UBXN4: variants seen among roughly 807,000 people sequenced by gnomAD.
UBXN4 encodes UBX domain protein 4, also known as UBX domain-containing protein 4.
A neutral mutation model predicts 66.2 loss-of-function variants in UBXN4; 35 were observed. That is an observed-to-expected ratio of 0.53 (90% CI 0.40 to 0.70). The LOEUF is 0.70. UBXN4 is among the 30% of genes least tolerant of loss of function. UBXN4 has a pLI of 0.00. For synonymous variants in UBXN4, 203 were observed against 204.5 expected (o/e 0.99, Z 0.06); for missense variants, 533 against 599.8 (o/e 0.89, Z 1.16).
intron 1 of UBXN4, chr2:135,747,511 C>CTTT: frequency 2.4e-6 from 1 of 420,334 alleles, no homozygotes; most frequent in Non-Finnish European, 4.8e-6. Context: ...AAAGGCAAGT[C>CTTT]TAAAATTGCA....
At chr2:135,779,498 A>C (rs2077436837) in intron 11 of UBXN4, among the ~76,000 whole-genome samples, 2 of 152,164 alleles carry the variant, frequency 1.3e-5, no homozygotes, top group African/African-American at 4.8e-5. Context: ...TGAAGAAAAG[A>C]AGCTCAGACA....
At position 135,776,257 on chromosome 2, in the gene UBXN4, C is replaced by G. The variant is rs559209921; in HGVS notation, c.959C>G (p.Ala320Gly). The change falls in exon 10 of 13, where the codon GCA becomes GGA. Residue 320 changes from alanine to glycine, a missense_variant. By Grantham distance (60) the Ala-to-Gly change is moderately conservative (BLOSUM62 0). This residue lies in a region of UBXN4 where 529 missense variants were observed against 580.1 expected (regional missense o/e 0.91). Transcript: ENST00000272638. The stretch of plus-strand genomic sequence containing the variant: ...ATTTTCTTTTTTCATAGCACTGTTG[C>G]AAGAATTCAATTCCGTCTTCCTGAT... ...ESYARERSTV[A>G]RIQFRLPDGS... is the part of the protein sequence containing the mutation. 71 of 1,613,542 alleles carry G rather than the reference C, an allele frequency of 4.4e-5. No individual in the cohort carries two copies. The highest frequency in any genetic ancestry group is 5.8e-5 in the Non-Finnish European group (69 of 1,179,772).
At chr2:135,772,862 C>G (rs1312371261) in intron 9 of UBXN4, among the ~76,000 whole-genome samples, 3 of 151,942 alleles carry the variant, frequency 2.0e-5, no homozygotes, top group African/African-American at 7.2e-5. Flanking sequence ...CATGGTGAAA[C>G]CCCGTCTCTA....
Position 135,765,067 on chromosome 2 carries a change from GCTT to G in UBXN4, c.602+3161_602+3163del, listed in dbSNP as rs200172514. 5.3e-3 allele frequency among the ~76,000 whole-genome samples: 809 copies of G among 152,252 alleles called. 7 individuals are homozygous for G. Among genetic ancestry groups the G allele is most frequent in the South Asian group, 0.04 (194 of 4,814 alleles). On this transcript the variant is annotated intron_variant, in intron 6 of 12. Transcript: ENST00000272638. ...GGCCTCAAATAATCCACCCGCCTTGGCTTCTTCAAGTGCTGAGATTACAGGCTT... is the reference window on the plus strand; with the variant it reads ...GGCCTCAAATAATCCACCCGCCTTGGCTTCAAGTGCTGAGATTACAGGCTT...
intron 9 of UBXN4, among the ~76,000 whole-genome samples, chr2:135,773,514 G>A (rs2077395478): frequency 2.0e-5 from 3 of 152,236 alleles, no homozygotes; most frequent in South Asian, 2.1e-4. Context: ...GTCCACATGT[G>A]TGGGCCCTCT....
At chr2:135,780,005 G>A (rs1191783848) in intron 11 of UBXN4, among the ~76,000 whole-genome samples, 178 bp from the exon 12 acceptor site, 1 of 150,546 alleles carries the variant, frequency 6.6e-6, no homozygotes, top group Non-Finnish European at 1.5e-5. Flanking sequence ...AAAAACTTCT[G>A]GGAGTCTTCA....
At chr2:135,751,579 C>G (rs369396546) in intron 2 of UBXN4, among the ~76,000 whole-genome samples, 2 of 150,034 alleles carry the variant, frequency 1.3e-5, no homozygotes, top group East Asian at 3.9e-4. Flanking sequence ...CTGATAGAAT[C>G]TAGTGTGCCT....
intron 9 of UBXN4, among the ~76,000 whole-genome samples, chr2:135,775,590 C>T (rs1352553514): frequency 6.6e-6 from 1 of 152,066 alleles, no homozygotes; most frequent in Non-Finnish European, 1.5e-5. Context: ...TAGACAAATC[C>T]GTAGAGATAG....
intron 5 of UBXN4, among the ~76,000 whole-genome samples, chr2:135,756,580 G>T (rs2077279612): frequency 6.6e-6 from 1 of 152,166 alleles, no homozygotes; most frequent in Non-Finnish European, 1.5e-5. Flanking sequence ...TCAACTTCTG[G>T]ATGTGTACGG....
intron 5 of UBXN4, among the ~76,000 whole-genome samples, chr2:135,758,138 A>G (rs1034160730): frequency 4.6e-5 from 7 of 150,802 alleles, no homozygotes; most frequent in Non-Finnish European, 1.0e-4. Flanking sequence ...GCAATGGCAC[A>G]ATCTTGGCTC....
chr2:135,776,410 A>G lies in UBXN4; in HGVS notation c.1053+59A>G, dbSNP rs908720518. On this transcript the variant is annotated intron_variant, in intron 10 of 12. Coordinates refer to ENST00000272638, the MANE Select transcript of UBXN4 (RefSeq NM_014607.4). ...ATGTGTAGGTTACTAAATTATAGGA[A>G]GGGAAAATTTCAAAGCAGAAGTTGA... 3.4e-6 allele frequency: 5 copies of G among 1,465,462 alleles called. No individual in the cohort carries two copies. The African/African-American group carries it at 4.2e-5, about 12-fold the overall frequency. 90.8% of individuals were successfully genotyped at this position (1,465,462 alleles called of 1,614,324 possible).
rs59946844 is a variant in UBXN4 at position 135,745,875 on chromosome 2, C to CTTT, written c.83-2373_83-2371dup. ...TGTGGATGCATTCTAGTCCCGTTTA[C>CTTT]TTTTTTTTTTTTTTTTTTTTTGAGA... is the stretch of plus-strand genomic sequence containing the variant. On this transcript the variant is annotated intron_variant, in intron 1 of 12. Coordinates refer to ENST00000272638, the MANE Select transcript of UBXN4 (RefSeq NM_014607.4). Among the ~76,000 whole-genome samples the CTTT allele has an allele frequency of 5.0e-3, 373 of 74,364 alleles. 40 individuals are homozygous for CTTT. The highest frequency in any genetic ancestry group is 9.6e-3 in the African/African-American group (187 of 19,478). 48.8% of individuals were successfully genotyped at this position (74,364 alleles called of 152,430 possible).
At chr2:135,759,766 A>ATTTTTTTT (rs10660396) in intron 5 of UBXN4, among the ~76,000 whole-genome samples, 18 of 93,460 alleles carry the variant, frequency 1.9e-4, no homozygotes, top group Non-Finnish European at 3.3e-4. Context: ...TCAATCCAGA[A>ATTTTTTTT]TTTTTTTTTT....
At chr2:135,742,104 G>A in intron 1 of UBXN4, 93 bp downstream of exon 1, 2 of 1,439,744 alleles carry the variant, frequency 1.4e-6, no homozygotes, top group Admixed American at 2.1e-5. Context: ...CGCCCTCCCC[G>A]AGACGCGGGC....
At chr2:135,751,519 G>A (rs1389138368) in intron 2 of UBXN4, among the ~76,000 whole-genome samples, 1 of 150,916 alleles carries the variant, frequency 6.6e-6, no homozygotes, top group Non-Finnish European at 1.5e-5. Flanking sequence ...CAGATGCAGG[G>A]ATACCTGCAT....
chr2:135,762,658 T>C (rs1038558277), intron 6 of UBXN4, among the ~76,000 whole-genome samples: 2 of 152,214 alleles, frequency 1.3e-5, no homozygotes, highest in African/African-American at 4.8e-5. Context: ...TCAGCTTCTT[T>C]TCAGCAAAAC....
intron 9 of UBXN4, among the ~76,000 whole-genome samples, chr2:135,775,831 A>G (rs761435032): frequency 2.6e-5 from 4 of 152,152 alleles, no homozygotes; most frequent in Non-Finnish European, 5.9e-5. Context: ...CGGTGGCATG[A>G]TCTCGGCTTA....
At chr2:135,779,884 A>G (rs566773177) in intron 11 of UBXN4, among the ~76,000 whole-genome samples, 2 of 37,526 alleles carry the variant, frequency 5.3e-5, no homozygotes, top group Non-Finnish European at 3.9e-4. Flanking sequence ...TATAATTATA[A>G]TATATTATAT....
At chr2:135,781,924 G>A (rs2105511226) in intron 12 of UBXN4, among the ~76,000 whole-genome samples, 1 of 152,240 alleles carries the variant, frequency 6.6e-6, no homozygotes, top group East Asian at 1.9e-4. Flanking sequence ...AAAACTTTTA[G>A]TGAGCTGTGT....
Sources: allele counts gnomAD v4.1 joint callset (sites outside exome capture counted in the v4.1 genomes callset), GRCh38; gene constraint gnomAD v4.1.1; regional missense constraint gnomAD v4.1.1; transcripts MANE v1.5; gene names NCBI Gene and HGNC (gene_info 2026-07-23, HGNC 2026-07-21).